Variants in RREB1 observed in about 807,000 individuals in gnomAD.
RREB1 encodes ras responsive element binding protein 1, also known as ras-responsive element-binding protein 1.
In RREB1, 27 loss-of-function variants were observed where a neutral mutation model predicts 117.8. That is an observed-to-expected ratio of 0.23 (90% CI 0.17 to 0.32). RREB1 has a LOEUF of 0.32. Ranked by LOEUF, RREB1 falls within the 10% of genes least tolerant of loss-of-function variation. RREB1 has a pLI of 1.00. For missense variants in RREB1, 2,577 were observed against 2,378.2 expected (o/e 1.08, Z -1.74); for synonymous variants, 1,298 against 1,026.7 (o/e 1.26, Z -5.05).
intron 6 of RREB1, among the ~76,000 whole-genome samples, chr6:7,198,153 G>A (rs571814654): frequency 2.6e-5 from 4 of 152,294 alleles, no homozygotes; most frequent in African/African-American, 7.2e-5. Context: ...TATGTAGCTC[G>A]TTCTGGCGCT....
intron 1 of RREB1, among the ~76,000 whole-genome samples, chr6:7,150,355 T>TA (rs1267327929): frequency 2.0e-5 from 3 of 152,254 alleles, no homozygotes; most frequent in Non-Finnish European, 2.9e-5. Context: ...AACGCATGGT[T>TA]AACATATATA....
chr6:7,195,873 C>G (rs2113573541), intron 6 of RREB1, among the ~76,000 whole-genome samples: 1 of 152,346 alleles, frequency 6.6e-6, no homozygotes, highest in South Asian at 2.1e-4. Flanking sequence ...TGGCCCTGTG[C>G]TCTGATTTTT....
At chr6:7,184,072 T>C (rs1764941976) in intron 4 of RREB1, 1 of 152,112 alleles carries the variant, frequency 6.6e-6, no homozygotes, top group Non-Finnish European at 1.5e-5. Flanking sequence ...ATTAGGGTGC[T>C]GGGCGTGGTG....
chr6:7,248,756 C>T lies in RREB1; in HGVS notation c.5017C>T (p.Arg1673Trp), dbSNP rs201704223. Residue 1673 changes from arginine to tryptophan, a missense_variant, in exon 13 of 13, where the codon CGG becomes TGG. Coordinates refer to ENST00000379938, the MANE Select transcript of RREB1 (RefSeq NM_001003699.4). ...ASNHMAVTRSRKEGLASATKD... is the reference protein window; with the variant it reads ...ASNHMAVTRSWKEGLASATKD... ...CAACCACATGGCTGTCACCCGGAGC[C>T]GGAAGGAGGGCTTGGCCAGTGCCAC... The T allele has an allele frequency of 3.7e-6, 6 of 1,614,092 alleles. No individual in the cohort carries two copies. Among genetic ancestry groups the T allele is most frequent in the South Asian group, 2.2e-5 (2 of 91,084 alleles).
chr6:7,202,253 T>C (rs1766029021), intron 6 of RREB1, among the ~76,000 whole-genome samples: 1 of 152,234 alleles, frequency 6.6e-6, no homozygotes, highest in Admixed American at 6.5e-5. Flanking sequence ...GTGCATTTCT[T>C]GTTCCTCTTT....
At chr6:7,123,985 A>G (rs1178021283) in intron 1 of RREB1, among the ~76,000 whole-genome samples, 2 of 152,134 alleles carry the variant, frequency 1.3e-5, no homozygotes, top group Non-Finnish European at 2.9e-5. Context: ...TCTTGCTAAG[A>G]ATGCGGCATT....
At chr6:7,204,187 T>C (rs1766143260) in intron 6 of RREB1, among the ~76,000 whole-genome samples, 1 of 152,198 alleles carries the variant, frequency 6.6e-6, no homozygotes, top group South Asian at 2.1e-4. Flanking sequence ...TGGTGTGACC[T>C]GCCTTCCGGA....
At chr6:7,178,774 A>G (rs1764638195) in intron 2 of RREB1, among the ~76,000 whole-genome samples, 2 of 152,226 alleles carry the variant, frequency 1.3e-5, no homozygotes, top group South Asian at 4.1e-4. Flanking sequence ...TTTACTTAAA[A>G]TAGGAAAAGG....
intron 1 of RREB1, among the ~76,000 whole-genome samples, chr6:7,167,349 ATTTT>A (rs777728313): frequency 8.3e-6 from 1 of 120,060 alleles, no homozygotes; most frequent in Non-Finnish European, 1.7e-5. Flanking sequence ...CTGGGACAGG[ATTTT>A]TTTTTTTTTT....
At chr6:7,114,918 A>G (rs73372652) in intron 1 of RREB1, among the ~76,000 whole-genome samples, 3,291 of 151,762 alleles carry the variant, frequency 0.022, 125 homozygotes, top group African/African-American at 0.075. Context: ...TCACCTCTTC[A>G]GTTATTTGGG....
intron 8 of RREB1, chr6:7,214,651 T>A (rs1467121120): frequency 6.6e-6 from 1 of 152,304 alleles, no homozygotes; most frequent in Non-Finnish European, 1.5e-5. Flanking sequence ...CAGTAGCTAG[T>A]GGGAGAGACA....
chr6:7,115,416 CAG>C (rs1242884592), intron 1 of RREB1, among the ~76,000 whole-genome samples: 2 of 116,902 alleles, frequency 1.7e-5, no homozygotes, highest in Non-Finnish European at 3.2e-5. Context: ...GAGAAGAAAA[CAG>C]GGAGACAGAG....
chr6:7,141,088 G>A (rs1272521563), intron 1 of RREB1, among the ~76,000 whole-genome samples: 1 of 152,218 alleles, frequency 6.6e-6, no homozygotes, highest in African/African-American at 2.4e-5. Flanking sequence ...CTGGGACCGG[G>A]CAGCCGACTG....
chr6:7,213,531 T>G (rs1487434083), intron 8 of RREB1: 1 of 152,238 alleles, frequency 6.6e-6, no homozygotes, highest in African/African-American at 2.4e-5. Context: ...GGCCCCTCCC[T>G]GTGTAGGCCC....
chr6:7,123,280 C>G (rs934442887), intron 1 of RREB1, among the ~76,000 whole-genome samples: 1 of 152,112 alleles, frequency 6.6e-6, no homozygotes, highest in African/African-American at 2.4e-5. Context: ...GTCTCAGCCT[C>G]CTGAGGAGCT....
chr6:7,171,325 C>T (rs1242452450), intron 1 of RREB1, among the ~76,000 whole-genome samples: 1 of 152,150 alleles, frequency 6.6e-6, no homozygotes, highest in Non-Finnish European at 1.5e-5. Context: ...GAGCACTCCG[C>T]CTTCCTGCCT....
chr6:7,114,679 G>C (rs1761309726), intron 1 of RREB1, among the ~76,000 whole-genome samples: 1 of 152,142 alleles, frequency 6.6e-6, no homozygotes, highest in Non-Finnish European at 1.5e-5. Flanking sequence ...GATATATTTA[G>C]AAATCTGAAA....
intron 8 of RREB1, among the ~76,000 whole-genome samples, chr6:7,223,886 CTGTT>C (rs1481280639): frequency 2.7e-4 from 41 of 152,126 alleles, no homozygotes; most frequent in African/African-American, 9.2e-4. Flanking sequence ...TCTTCCCAAC[CTGTT>C]TATGTCTGTA....
chr6:7,239,870 A>G (rs1192092581), intron 10 of RREB1, among the ~76,000 whole-genome samples: 1 of 152,234 alleles, frequency 6.6e-6, no homozygotes, highest in Non-Finnish European at 1.5e-5. Flanking sequence ...TGTCCTGGGA[A>G]GTCAGAACTC....
Sources: allele counts gnomAD v4.1 joint callset (sites outside exome capture counted in the v4.1 genomes callset), GRCh38; gene constraint gnomAD v4.1.1; transcripts MANE v1.5; gene names NCBI Gene and HGNC (gene_info 2026-07-23, HGNC 2026-07-21).